MCTP1: variants seen among roughly 807,000 people sequenced by gnomAD.
MCTP1 encodes the protein multiple C2 and transmembrane domain-containing protein 1.
A neutral mutation model predicts 120.6 loss-of-function variants in MCTP1; 69 were observed. The observed-to-expected ratio is 0.57, with a 90% CI of 0.47 to 0.70. MCTP1 has a LOEUF of 0.70. MCTP1 is among the 30% of genes least tolerant of loss of function. The pLI is 0.00. For missense variants in MCTP1, 1,203 were observed against 1,248.8 expected (o/e 0.96, Z 0.55); for synonymous variants, 529 against 493.1 (o/e 1.07, Z -0.96).
intron 6 of MCTP1, among the ~76,000 whole-genome samples, chr5:94,926,937 T>G (rs293052): frequency 0.24 from 36,566 of 152,052 alleles, 4,734 homozygotes; most frequent in East Asian, 0.52. Flanking sequence ...TTTTGTCCCT[T>G]CACTTTGTAC....
chr5:94,930,595 C>G (rs1561876738), intron 6 of MCTP1: 1 of 151,872 alleles, frequency 6.6e-6, no homozygotes, highest in South Asian at 2.1e-4. Flanking sequence ...TCTAATCTTC[C>G]TTTTATACAA....
At chr5:94,925,603 G>T (rs1812879629) in intron 6 of MCTP1, among the ~76,000 whole-genome samples, 1 of 152,072 alleles carries the variant, frequency 6.6e-6, no homozygotes, top group African/African-American at 2.4e-5. Flanking sequence ...TAGAGACGGG[G>T]TTTCACTGTG....
At chr5:94,920,688 G>A (rs919300166) in intron 7 of MCTP1, among the ~76,000 whole-genome samples, 3 of 151,592 alleles carry the variant, frequency 2.0e-5, no homozygotes, top group African/African-American at 7.3e-5. Flanking sequence ...CTTATAGTGA[G>A]CCAAGACCGC....
At chr5:94,918,227 T>TA (rs1307618109) in intron 7 of MCTP1, among the ~76,000 whole-genome samples, 3 of 152,196 alleles carry the variant, frequency 2.0e-5, no homozygotes, top group Non-Finnish European at 4.4e-5. Flanking sequence ...CCAGAGATTA[T>TA]ATGGTAATAG....
At chr5:95,233,136 CTTCTT>C (rs1755148700) in intron 1 of MCTP1, among the ~76,000 whole-genome samples, 1 of 152,162 alleles carries the variant, frequency 6.6e-6, no homozygotes, top group African/African-American at 2.4e-5. Flanking sequence ...ATATCCAACA[CTTCTT>C]TTCAAGTGCA....
In MCTP1 at chr5:94,706,559, T is replaced by C. The variant is rs1754668590; in HGVS notation, c.*937A>G. On this transcript the variant is annotated 3_prime_UTR_variant, in exon 23 of 23. Transcript: ENST00000515393. ...CATAGTATGAATTAAAGCATTTCAG[T>C]AATCTAATGAGAAAGCAGGTTTTTT... is the stretch of plus-strand genomic sequence containing the variant. 1 of 144,850 alleles carries C rather than the reference T, an allele frequency of 6.9e-6. No individual in the cohort carries two copies. Among genetic ancestry groups the C allele is most frequent in the South Asian group, 2.2e-4 (1 of 4,638 alleles). 9.0% of individuals were successfully genotyped at this position (144,850 alleles called of 1,614,324 possible).
At position 95,274,685 on chromosome 5, in the gene MCTP1, G is replaced by A. The variant is rs576631163; in HGVS notation, c.720+9171C>T. 1.3e-3 allele frequency among the ~76,000 whole-genome samples: 193 copies of A among 151,848 alleles called. 1 individual carries two copies. The highest frequency in any genetic ancestry group is 4.1e-3 in the African/African-American group (168 of 41,352). On this transcript the variant is annotated intron_variant, in intron 1 of 22. Transcript: ENST00000515393. ...GTCGCCCAGGCTGGAGTGCAGGGGT[G>A]TGATCTTGGCTCACTGCAAACTCTG... is the stretch of plus-strand genomic sequence containing the variant.
At chr5:94,815,813 G>C (rs555163928) in intron 17 of MCTP1, among the ~76,000 whole-genome samples, 58 of 152,268 alleles carry the variant, frequency 3.8e-4, no homozygotes, top group Admixed American at 3.2e-3. Flanking sequence ...CTGGGTCTTG[G>C]TCTCATTGTC....
intron 1 of MCTP1, among the ~76,000 whole-genome samples, chr5:95,061,504 C>T (rs796577835): frequency 7.9e-6 from 1 of 126,032 alleles, no homozygotes; most frequent in Non-Finnish European, 1.6e-5. Flanking sequence ...GGCGGGATCT[C>T]GGCTCACTGC....
chr5:95,138,624 C>T (rs891644575), intron 1 of MCTP1, among the ~76,000 whole-genome samples: 3 of 152,168 alleles, frequency 2.0e-5, no homozygotes, highest in African/African-American at 7.2e-5. Context: ...GTCTGCTAAC[C>T]AAAGGAATGA....
Position 94,942,524 on chromosome 5 carries a change from C to G in MCTP1, c.982-97G>C, listed in dbSNP as rs1817972095. The G allele has an allele frequency of 4.1e-6, 3 of 732,328 alleles. No homozygotes were observed. The Admixed American group carries it at 7.4e-5, about 18-fold the overall frequency. 45.4% of individuals were successfully genotyped at this position (732,328 alleles called of 1,614,324 possible). A position where few individuals can be genotyped will look rare whatever the true frequency, so the allele number is the denominator to read the frequency against. On this transcript the variant is annotated intron_variant, in intron 3 of 22. Transcript: ENST00000515393. ...CATAAAATGTTGGTTGTCTATGTCACCAAAAGCATACTAATATTTGTATTT... is the reference window on the plus strand; with the variant it reads ...CATAAAATGTTGGTTGTCTATGTCAGCAAAAGCATACTAATATTTGTATTT...
intron 1 of MCTP1, among the ~76,000 whole-genome samples, chr5:95,096,168 A>G (rs946229600): frequency 3.3e-5 from 5 of 152,232 alleles, no homozygotes; most frequent in African/African-American, 1.2e-4. Context: ...GCCACATAAG[A>G]GTACTCAATA....
chr5:95,061,101 T>C (rs10070518), intron 1 of MCTP1, among the ~76,000 whole-genome samples: 119,350 of 149,456 alleles, frequency 0.8, 49,398 homozygotes, highest in Non-Finnish European at 0.92. Flanking sequence ...TGCCCTGTGG[T>C]TGTGATGGGG....
chr5:94,852,003 T>G (rs916796709), intron 17 of MCTP1, among the ~76,000 whole-genome samples: 6 of 151,924 alleles, frequency 3.9e-5, no homozygotes, highest in Admixed American at 3.9e-4. Context: ...TTAATTTTAT[T>G]TTAATTAAGG....
chr5:94,747,642 A>G (rs562881728), intron 19 of MCTP1, among the ~76,000 whole-genome samples: 45 of 152,088 alleles, frequency 3.0e-4, no homozygotes, highest in Admixed American at 5.2e-4. Context: ...TTCTAGCCCA[A>G]ATAATCCTTT....
intron 18 of MCTP1, among the ~76,000 whole-genome samples, chr5:94,794,499 C>A (rs1416142720): frequency 6.6e-6 from 1 of 152,292 alleles, no homozygotes; most frequent in African/African-American, 2.4e-5. Context: ...GCCCTGGACA[C>A]TAAGAAAGCA....
intron 1 of MCTP1, among the ~76,000 whole-genome samples, chr5:95,157,067 T>A (rs552711594): frequency 6.6e-6 from 1 of 152,320 alleles, no homozygotes; most frequent in South Asian, 2.1e-4. Flanking sequence ...CATTATAATT[T>A]ACTCTGTGGC....
At chr5:94,758,729 T>A (rs1770562197) in intron 19 of MCTP1, among the ~76,000 whole-genome samples, 1 of 152,178 alleles carries the variant, frequency 6.6e-6, no homozygotes, top group Non-Finnish European at 1.5e-5. Flanking sequence ...TCCAAGTGAC[T>A]CCCACCTGGA....
chr5:95,091,722 A>G (rs1755857363), intron 1 of MCTP1, among the ~76,000 whole-genome samples: 1 of 152,214 alleles, frequency 6.6e-6, no homozygotes, highest in East Asian at 1.9e-4. Context: ...AAGGACATTG[A>G]CCAGAATCTT....
Sources: allele counts gnomAD v4.1 joint callset (sites outside exome capture counted in the v4.1 genomes callset), GRCh38; gene constraint gnomAD v4.1.1; transcripts MANE v1.5; gene names NCBI Gene and HGNC (gene_info 2026-07-23, HGNC 2026-07-21).